PRKG1: variants seen among roughly 807,000 people sequenced by gnomAD.
PRKG1 encodes cGMP-dependent protein kinase 1.
PRKG1 carries 35 observed loss-of-function variants against 88.1 expected under a neutral mutation model. That is an observed-to-expected ratio of 0.40 (90% CI 0.30 to 0.53). The LOEUF (loss-of-function observed/expected upper bound fraction) is 0.53. Among genes scored for constraint, PRKG1 ranks in the 20% least tolerant of loss-of-function variants. PRKG1 has a pLI of 0.59. For missense variants in PRKG1, 540 were observed against 839.8 expected, an observed-to-expected ratio of 0.64 and a Z score of 4.41; for synonymous variants, 303 against 292.5, an observed-to-expected ratio of 1.04 and a Z score of -0.37.
At chr10:52,276,645 A>T (rs1481043249) in intron 12 of PRKG1, among the ~76,000 whole-genome samples, 6 of 152,184 alleles carry the variant, frequency 3.9e-5, no homozygotes, top group Non-Finnish European at 5.9e-5. Flanking sequence ...TTTAATTGAA[A>T]TGACACAGCT....
At chr10:51,915,843 C>T (rs190081102) in intron 5 of PRKG1, among the ~76,000 whole-genome samples, 1 of 151,990 alleles carries the variant, frequency 6.6e-6, no homozygotes, top group African/African-American at 2.4e-5. Flanking sequence ...TATAAGGACA[C>T]AAAAAATTTC....
intron 3 of PRKG1, among the ~76,000 whole-genome samples, chr10:51,551,330 G>A (rs1170844562): frequency 1.3e-5 from 2 of 151,612 alleles, no homozygotes; most frequent in Non-Finnish European, 1.5e-5. Flanking sequence ...TCACTAGAAC[G>A]CTAAAATTTA....
intron 8 of PRKG1, among the ~76,000 whole-genome samples, chr10:52,134,844 A>G (rs1438661268): frequency 2.0e-5 from 3 of 152,128 alleles, no homozygotes; most frequent in Non-Finnish European, 2.9e-5. Context: ...AGGCCCTTCT[A>G]TGCTGGATCA....
chr10:51,727,291 T>C lies in PRKG1; in HGVS notation c.593-77294T>C, dbSNP rs1462983674. The stretch of plus-strand genomic sequence containing the variant: ...CCCCATTGCAAAAAAAAAAAATATA[T>C]ATATATATATTTTTTTTACTTTTCT... On this transcript the variant is annotated intron_variant, in intron 3 of 17. Transcript: ENST00000373980. Among the ~76,000 whole-genome samples, 463 of 149,034 alleles carry C rather than the reference T, an allele frequency of 3.1e-3. 5 individuals are homozygous for C. Among genetic ancestry groups the C allele is most frequent in the African/African-American group, 0.011 (445 of 40,632 alleles).
chr10:52,175,267 C>T (rs1207424953), intron 9 of PRKG1, among the ~76,000 whole-genome samples: 7 of 152,092 alleles, frequency 4.6e-5, no homozygotes, highest in Non-Finnish European at 1.0e-4. Flanking sequence ...GCTTATTTCA[C>T]TTAACATAAT....
At chr10:51,495,507 C>T (rs551999165) in intron 3 of PRKG1, among the ~76,000 whole-genome samples, 8 of 152,214 alleles carry the variant, frequency 5.3e-5, no homozygotes, top group South Asian at 2.1e-4. Flanking sequence ...TTCCATATAG[C>T]GCAAGAACTT....
intron 4 of PRKG1, among the ~76,000 whole-genome samples, chr10:51,872,998 A>G (rs1436061234): frequency 6.6e-6 from 1 of 152,148 alleles, no homozygotes; most frequent in South Asian, 2.1e-4. Context: ...TCTCAAGCCT[A>G]TATAGTTATA....
chr10:51,185,343 C>A (rs1046934025), intron 2 of PRKG1, among the ~76,000 whole-genome samples: 1 of 151,932 alleles, frequency 6.6e-6, no homozygotes, highest in South Asian at 2.1e-4. Flanking sequence ...TTATTTTGTA[C>A]CTTGACTTTC....
intron 1 of PRKG1, among the ~76,000 whole-genome samples, chr10:51,063,306 G>T (rs983679040): frequency 1.8e-4 from 28 of 152,074 alleles, no homozygotes; most frequent in Non-Finnish European, 1.8e-4. Context: ...TTTTATCATT[G>T]TGCAAACATC....
intron 3 of PRKG1, among the ~76,000 whole-genome samples, chr10:51,753,347 T>C (rs901052577): frequency 2.0e-5 from 3 of 151,910 alleles, no homozygotes; most frequent in Non-Finnish European, 4.4e-5. Flanking sequence ...TCAATTACTG[T>C]TTAATTGCTT....
chr10:51,140,862 C>T (rs921529343), intron 1 of PRKG1, among the ~76,000 whole-genome samples: 2 of 152,136 alleles, frequency 1.3e-5, no homozygotes, highest in Admixed American at 1.3e-4. Context: ...ATAACCCAAC[C>T]ACTGCATGAA....
Position 52,253,814 on chromosome 10 carries a change from T to C in PRKG1, c.1173+2148T>C, listed in dbSNP as rs146876767. 5.3e-5 allele frequency among the ~76,000 whole-genome samples: 8 copies of C among 151,968 alleles called. No individual in the cohort carries two copies. In the Middle Eastern group the frequency reaches 0.01, roughly 194 times the overall value. ...AAAAACTGTAGATATTACTGCTGAG[T>C]GATAAATTCAAAATGGATCATTGGG... On this transcript the variant is annotated intron_variant, in intron 10 of 17. Transcript: ENST00000373980.
intron 3 of PRKG1, among the ~76,000 whole-genome samples, chr10:51,538,299 G>A (rs1842210195): frequency 2.0e-5 from 2 of 98,394 alleles, no homozygotes; most frequent in Admixed American, 2.0e-4. Context: ...CTTATGTAAT[G>A]CAATTCGCTG....
In PRKG1 at chr10:51,034,671, TATATATA is replaced by T. The variant is rs1843330521; in HGVS notation, c.266+43028_266+43034del. 6.1e-4 allele frequency among the ~76,000 whole-genome samples: 27 copies of T among 44,412 alleles called. 1 individual carries two copies. Among genetic ancestry groups the T allele is most frequent in the East Asian group, 1.2e-3 (1 of 850 alleles). 29.1% of individuals were successfully genotyped at this position (44,412 alleles called of 152,430 possible). ...AAAATTATATATAATATGTTATTTA[TATATATA>T]TATATATATATATATATATATATAT... On this transcript the variant is annotated intron_variant, in intron 1 of 17. Coordinates refer to the PRKG1 transcript ENST00000401604.
At chr10:52,166,849 G>GTA (rs1564498614) in intron 9 of PRKG1, among the ~76,000 whole-genome samples, 2 of 49,158 alleles carry the variant, frequency 4.1e-5, no homozygotes, top group East Asian at 8.7e-4. Flanking sequence ...GTATATATAT[G>GTA]TCTATATATA....
chr10:52,088,853 CAA>C (rs1342885122), intron 7 of PRKG1, among the ~76,000 whole-genome samples: 1 of 152,142 alleles, frequency 6.6e-6, no homozygotes, highest in African/African-American at 2.4e-5. Flanking sequence ...CATCTGAAAA[CAA>C]ATACACGCTG....
At chr10:51,282,439 A>G (rs1341969731) in intron 2 of PRKG1, among the ~76,000 whole-genome samples, 5 of 152,206 alleles carry the variant, frequency 3.3e-5, no homozygotes, top group Admixed American at 2.6e-4. Flanking sequence ...CAATGCTTAC[A>G]GAATTTGTGG....
At chr10:51,985,146 A>G (rs1426401849) in intron 5 of PRKG1, among the ~76,000 whole-genome samples, 3 of 152,242 alleles carry the variant, frequency 2.0e-5, no homozygotes, top group East Asian at 3.9e-4. Context: ...TTTTTATTCC[A>G]TGCCTTTTGT....
At chr10:51,021,823 G>GGC (rs1337934307) in intron 1 of PRKG1, among the ~76,000 whole-genome samples, 2 of 152,030 alleles carry the variant, frequency 1.3e-5, no homozygotes, top group African/African-American at 4.8e-5. Flanking sequence ...TGGTATTACA[G>GGC]GCGCCTGCCA....
Sources: allele counts gnomAD v4.1 joint callset (sites outside exome capture counted in the v4.1 genomes callset), GRCh38; gene constraint gnomAD v4.1.1; transcripts MANE v1.5; gene names NCBI Gene and HGNC (gene_info 2026-07-23, HGNC 2026-07-21).